The following KDM4C variants were observed in gnomAD, a reference collection of about 807,000 sequenced individuals.
KDM4C encodes the protein lysine demethylase 4C.
A neutral mutation model predicts 129.3 loss-of-function variants in KDM4C; 81 were observed. The observed-to-expected ratio is 0.63, with a 90% CI of 0.52 to 0.75. KDM4C has a LOEUF of 0.75. Among genes scored for constraint, KDM4C ranks in the 30% least tolerant of loss-of-function variants. The pLI is 0.00. For missense variants in KDM4C, 1,457 were observed against 1,304.0 expected, an observed-to-expected ratio of 1.12 and a Z score of -1.81; for synonymous variants, 573 against 456.1, an observed-to-expected ratio of 1.26 and a Z score of -3.26.
chr9:6,738,294 T>C (rs1318705719), intron 1 of KDM4C, among the ~76,000 whole-genome samples: 1 of 151,992 alleles, frequency 6.6e-6, no homozygotes, highest in Non-Finnish European at 1.5e-5. Flanking sequence ...CTGACCAACA[T>C]GGAGAAACCC....
Position 7,025,254 on chromosome 9 carries a change from A to G in KDM4C, c.2259+9325A>G, listed in dbSNP as rs114563186. ...TTATTTTCAGCCTATGTGTGTCTTT[A>G]TAAGTGAAATGTGTTTCTTGTAGAC... On this transcript the variant is annotated intron_variant, in intron 15 of 21. Transcript: ENST00000381309. 5.2e-3 allele frequency among the ~76,000 whole-genome samples: 795 copies of G among 152,090 alleles called. 6 individuals carry two copies. The highest frequency in any genetic ancestry group is 0.018 in the African/African-American group (758 of 41,454).
At chr9:6,901,517 C>T (rs1187989636) in intron 8 of KDM4C, among the ~76,000 whole-genome samples, 1 of 152,186 alleles carries the variant, frequency 6.6e-6, no homozygotes, top group African/African-American at 2.4e-5. Flanking sequence ...AGACATCTTG[C>T]TGCCAAGGGC....
chr9:7,062,842 C>G (rs1054587753), intron 17 of KDM4C, among the ~76,000 whole-genome samples: 2 of 152,042 alleles, frequency 1.3e-5, no homozygotes, highest in Non-Finnish European at 2.9e-5. Flanking sequence ...TACGGGGACA[C>G]AATGCTATTG....
At chr9:6,802,070 A>G (rs1829091653) in intron 2 of KDM4C, among the ~76,000 whole-genome samples, 1 of 151,100 alleles carries the variant, frequency 6.6e-6, no homozygotes, top group South Asian at 2.1e-4. Flanking sequence ...GCGCCATTGC[A>G]CTCCAGCCTG....
At chr9:6,796,132 T>C (rs1333247268) in intron 2 of KDM4C, among the ~76,000 whole-genome samples, 2 of 152,132 alleles carry the variant, frequency 1.3e-5, no homozygotes, top group Non-Finnish European at 2.9e-5. Flanking sequence ...ACTTCTTTAT[T>C]GGGTTAGCTC....
intron 4 of KDM4C, among the ~76,000 whole-genome samples, chr9:6,818,023 C>G (rs1050368249): frequency 5.3e-5 from 8 of 152,096 alleles, no homozygotes; most frequent in Non-Finnish European, 1.2e-4. Flanking sequence ...CCTCAGCCTT[C>G]CAAAGTGCTG....
At chr9:6,766,815 C>T (rs1820724131) in intron 1 of KDM4C, among the ~76,000 whole-genome samples, 2 of 151,736 alleles carry the variant, frequency 1.3e-5, no homozygotes, top group East Asian at 1.9e-4. Context: ...CTTGAGCATT[C>T]ACCTCTGCTT....
intron 8 of KDM4C, chr9:6,893,727 A>G (rs1192007459): frequency 1.3e-5 from 2 of 152,262 alleles, no homozygotes; most frequent in Non-Finnish European, 2.9e-5. Flanking sequence ...AATCATGTAG[A>G]ACACATTTTA....
chr9:7,001,831 C>G lies in KDM4C; in HGVS notation c.1787-9867C>G, dbSNP rs142722931. On this transcript the variant is annotated intron_variant, in intron 12 of 21. Coordinates refer to ENST00000381309, the MANE Select transcript of KDM4C (RefSeq NM_015061.6). ...GAGATCTTGTTTTGCCATCTTTTGA[C>G]TTTGTATTGTATATGCTGTTAATGA... is the stretch of plus-strand genomic sequence containing the variant. 9.0e-3 allele frequency among the ~76,000 whole-genome samples: 1,365 copies of G among 151,740 alleles called. 23 individuals are homozygous for G. The highest frequency in any genetic ancestry group is 0.032 in the African/African-American group (1,309 of 41,336).
At chr9:6,956,896 G>T (rs766087576) in intron 8 of KDM4C, among the ~76,000 whole-genome samples, 13 of 152,178 alleles carry the variant, frequency 8.5e-5, no homozygotes, top group Non-Finnish European at 1.5e-4. Flanking sequence ...GTTTCTGGTA[G>T]TGTCTCTGGT....
intron 13 of KDM4C, among the ~76,000 whole-genome samples, 195 bp downstream of exon 13, chr9:7,012,074 A>T (rs1822816020): frequency 6.6e-6 from 1 of 152,054 alleles, no homozygotes; most frequent in African/African-American, 2.4e-5. Context: ...AAAGTACTTT[A>T]TCTTTTCCTT....
chr9:6,867,835 A>G (rs545885667), intron 5 of KDM4C, among the ~76,000 whole-genome samples: 1 of 152,122 alleles, frequency 6.6e-6, no homozygotes, highest in Non-Finnish European at 1.5e-5. Context: ...CCTCCCCTGC[A>G]CTTCCCCACT....
intron 12 of KDM4C, among the ~76,000 whole-genome samples, chr9:6,994,055 G>A (rs1212702487): frequency 6.6e-6 from 1 of 152,060 alleles, no homozygotes; most frequent in African/African-American, 2.4e-5. Context: ...GATGGTTTTG[G>A]GATAAAGCTG....
chr9:6,754,912 T>C (rs893769653), upstream of KDM4C, among the ~76,000 whole-genome samples: 1 of 140,080 alleles, frequency 7.1e-6, no homozygotes, highest in African/African-American at 2.6e-5. Flanking sequence ...AAGCAGCATA[T>C]AAATTTGCTG....
intron 8 of KDM4C, among the ~76,000 whole-genome samples, chr9:6,932,311 G>C (rs62533778): frequency 6.6e-6 from 1 of 151,926 alleles, no homozygotes; most frequent in Admixed American, 6.6e-5. Flanking sequence ...CTGTTTCTGC[G>C]GCACAGGGAT....
chr9:7,128,172 C>A lies in KDM4C; in HGVS notation c.2717C>A (p.Thr906Asn), dbSNP rs1240305470. Residue 906 changes from threonine (T) to asparagine (N), a missense_variant, in exon 19 of 22, where the codon ACC (threonine) becomes AAC (asparagine). Coordinates refer to ENST00000381309, the MANE Select transcript of KDM4C (RefSeq NM_015061.6). ...SCRVMAVTSQTFYEVMFDDGS... is the reference protein window; with the variant it reads ...SCRVMAVTSQNFYEVMFDDGS... ...AGAGTGATGGCTGTGACATCGCAGA[C>A]CTTCTATGAGGTCATGTTTGATGAT... 2.5e-6 allele frequency: 4 copies of A among 1,612,494 alleles called. 1 individual carries two copies. Among genetic ancestry groups the A allele is most frequent in the Admixed American group, 3.3e-5 (2 of 59,704 alleles).
intron 4 of KDM4C, among the ~76,000 whole-genome samples, chr9:6,844,537 G>A (rs747608782): frequency 5.9e-5 from 9 of 152,164 alleles, no homozygotes; most frequent in African/African-American, 1.2e-4. Context: ...ACAAGCTTCC[G>A]TGGTCAAATG....
intron 16 of KDM4C, among the ~76,000 whole-genome samples, chr9:7,047,203 C>T (rs548400970): frequency 6.6e-6 from 1 of 152,164 alleles, no homozygotes; most frequent in South Asian, 2.1e-4. Flanking sequence ...CCCATATCAT[C>T]CAGGTGCCAT....
chr9:7,024,196 C>G (rs62534428), intron 15 of KDM4C, among the ~76,000 whole-genome samples: 24,508 of 151,186 alleles, frequency 0.16, 2,574 homozygotes, highest in South Asian at 0.4. Context: ...ACTTTTCTAT[C>G]TGGAGGATCT....
Sources: gnomAD v4.1 joint callset for allele counts (sites outside exome capture counted in the v4.1 genomes callset) on GRCh38, gnomAD v4.1.1 for gene constraint, MANE v1.5 for transcripts, NCBI Gene and HGNC (gene_info 2026-07-23, HGNC 2026-07-21) for gene names.